GRM1: variants seen among roughly 807,000 people sequenced by gnomAD.
GRM1 encodes metabotropic glutamate receptor 1.
GRM1 carries 33 observed loss-of-function variants against 90.9 expected under a neutral mutation model. The observed-to-expected ratio is 0.36, with a 90% CI of 0.28 to 0.49. The LOEUF (loss-of-function observed/expected upper bound fraction) is 0.49. Ranked by LOEUF, GRM1 falls within the 20% of genes least tolerant of loss-of-function variation. The pLI is 0.99. For missense variants in GRM1, 1,190 were observed against 1,534.3 expected (o/e 0.78, Z 3.75); for synonymous variants, 700 against 613.2 (o/e 1.14, Z -2.09).
chr6:146,396,796 A>C (rs1776953686), intron 6 of GRM1, among the ~76,000 whole-genome samples: 1 of 152,242 alleles, frequency 6.6e-6, no homozygotes, highest in Non-Finnish European at 1.5e-5. Context: ...GACATAATAA[A>C]AAGCTTATGT....
In GRM1 at chr6:146,399,770, TCTC is replaced by T; in HGVS notation, c.2660+72_2660+74del. 1 of 1,061,628 alleles carries T rather than the reference TCTC, an allele frequency of 9.4e-7. No homozygotes were observed. Among genetic ancestry groups the T allele is most frequent in the Non-Finnish European group, 1.4e-6 (1 of 714,558 alleles). 65.8% of individuals were successfully genotyped at this position (1,061,628 alleles called of 1,614,324 possible). ...GTCTCTTTCTCTCTCTCTCTCTCTC[TCTC>T]TTTCTCTGTCTCTCATATCTTCCTC... On this transcript the variant is annotated intron_variant, in intron 7 of 7. Coordinates refer to ENST00000282753, the MANE Select transcript of GRM1 (RefSeq NM_001278064.2). This position sits in a 1 kb window ranked among gnomAD's most constrained non-coding sequence, Gnocchi z 5.4.
At chr6:146,325,953 T>C (rs1784385258) in intron 3 of GRM1, among the ~76,000 whole-genome samples, 1 of 152,204 alleles carries the variant, frequency 6.6e-6, no homozygotes, top group Non-Finnish European at 1.5e-5. Flanking sequence ...AGTTTTGGCC[T>C]TTGAGTTTTT....
intron 3 of GRM1, among the ~76,000 whole-genome samples, chr6:146,341,138 C>A (rs1784964397): frequency 6.6e-6 from 1 of 152,180 alleles, no homozygotes; most frequent in African/African-American, 2.4e-5. Context: ...AGTCTAGATT[C>A]TTCCTTTATG....
intron 1 of GRM1, among the ~76,000 whole-genome samples, chr6:146,154,200 G>C (rs568168701): frequency 2.4e-4 from 37 of 152,262 alleles, no homozygotes; most frequent in African/African-American, 8.4e-4. Flanking sequence ...GAAGTCCAAG[G>C]GTGGGCACCC....
intron 3 of GRM1, among the ~76,000 whole-genome samples, chr6:146,351,096 T>C (rs1050734407): frequency 2.6e-5 from 4 of 152,184 alleles, no homozygotes; most frequent in Admixed American, 2.6e-4. Context: ...TCAAACTGTC[T>C]AACATCCTAA....
At chr6:146,298,655 G>A (rs552115207) in intron 2 of GRM1, among the ~76,000 whole-genome samples, 1 of 152,280 alleles carries the variant, frequency 6.6e-6, no homozygotes, top group African/African-American at 2.4e-5. Context: ...TGAGGTGTTT[G>A]AACAGTGAGG....
At chr6:146,213,728 A>ATAGG (rs1311317949) in intron 2 of GRM1, among the ~76,000 whole-genome samples, 7 of 152,112 alleles carry the variant, frequency 4.6e-5, no homozygotes, top group Non-Finnish European at 8.8e-5. Context: ...AGATAGATAG[A>ATAGG]TAGATAGATG....
At chr6:146,405,853 C>G (rs1275887561) in intron 7 of GRM1, among the ~76,000 whole-genome samples, 1 of 152,110 alleles carries the variant, frequency 6.6e-6, no homozygotes, top group Non-Finnish European at 1.5e-5. Flanking sequence ...GAGAATGACT[C>G]ATATATTCAG....
intron 3 of GRM1, among the ~76,000 whole-genome samples, chr6:146,350,679 T>C (rs1785374360): frequency 6.6e-6 from 1 of 152,176 alleles, no homozygotes; most frequent in Non-Finnish European, 1.5e-5. Flanking sequence ...AGACATAAGC[T>C]ACTCTGTTTA....
chr6:146,420,152 C>T (rs1777937915), intron 7 of GRM1, among the ~76,000 whole-genome samples: 1 of 152,182 alleles, frequency 6.6e-6, no homozygotes, highest in Admixed American at 6.5e-5. Context: ...ATGGAGTTCT[C>T]CAGTGCTGAG....
intron 1 of GRM1, among the ~76,000 whole-genome samples, chr6:146,152,876 T>C (rs1281013631): frequency 6.6e-6 from 1 of 152,166 alleles, no homozygotes; most frequent in Non-Finnish European, 1.5e-5. Context: ...ATTTCTTAAG[T>C]GTTTTATTAT....
At chr6:146,261,456 G>A (rs142814711) in intron 2 of GRM1, among the ~76,000 whole-genome samples, 53 of 152,052 alleles carry the variant, frequency 3.5e-4, no homozygotes, top group African/African-American at 1.2e-3. Context: ...TAGATGTTGT[G>A]GTTCTCAATT....
At chr6:146,277,578 C>G (rs1782420609) in intron 2 of GRM1, among the ~76,000 whole-genome samples, 1 of 152,186 alleles carries the variant, frequency 6.6e-6, no homozygotes, top group Non-Finnish European at 1.5e-5. Flanking sequence ...TTACACATTT[C>G]AAGAATTAAG....
At chr6:146,406,159 T>G (rs769967761) in intron 7 of GRM1, among the ~76,000 whole-genome samples, 5 of 152,178 alleles carry the variant, frequency 3.3e-5, no homozygotes, top group Non-Finnish European at 7.3e-5. Flanking sequence ...AGAGATCATC[T>G]GGTGTGTGCC....
intron 2 of GRM1, chr6:146,171,389 GA>G: frequency 6.4e-6 from 1 of 156,170 alleles, no homozygotes. Flanking sequence ...TGAGCTCACT[GA>G]AATGGCCATG....
intron 1 of GRM1, among the ~76,000 whole-genome samples, chr6:146,067,368 A>G (rs1220637798): frequency 6.6e-6 from 1 of 152,200 alleles, no homozygotes; most frequent in Non-Finnish European, 1.5e-5. Flanking sequence ...TATTTTAGAC[A>G]CATTCCAACC....
At chr6:146,116,077 A>G (rs1176185259) in intron 1 of GRM1, among the ~76,000 whole-genome samples, 1 of 152,022 alleles carries the variant, frequency 6.6e-6, no homozygotes, top group Non-Finnish European at 1.5e-5. Flanking sequence ...CAGCCTCCCA[A>G]GTAGCTGGGA....
chr6:146,249,634 G>A (rs999322513), intron 2 of GRM1, among the ~76,000 whole-genome samples: 6 of 152,158 alleles, frequency 3.9e-5, no homozygotes, highest in African/African-American at 1.4e-4. Context: ...GAGACCTCAT[G>A]GAGAACCTCT....
chr6:146,352,181 G>T (rs1388508345), intron 3 of GRM1, 69 bp from the exon 4 acceptor site: 2 of 1,529,902 alleles, frequency 1.3e-6, no homozygotes, highest in African/African-American at 2.7e-5. Context: ...AAAAGCATTT[G>T]AGAATTAAAC....
Sources: allele counts gnomAD v4.1 joint callset (sites outside exome capture counted in the v4.1 genomes callset), GRCh38; gene constraint gnomAD v4.1.1; non-coding constraint Gnocchi (gnomAD v3.1); transcripts MANE v1.5; gene names NCBI Gene and HGNC (gene_info 2026-07-23, HGNC 2026-07-21).